Variants in BMPER observed in about 807,000 individuals in gnomAD.
BMPER encodes BMP binding endothelial regulator.
In BMPER, 45 loss-of-function variants were observed where a neutral mutation model predicts 87.3. That is an observed-to-expected ratio of 0.52 (90% CI 0.41 to 0.66). The LOEUF is 0.66. BMPER is among the 30% of genes least tolerant of loss of function. BMPER has a pLI of 0.00. For synonymous variants in BMPER, 326 were observed against 316.2 expected, an observed-to-expected ratio of 1.03 and a Z score of -0.33; for missense variants, 784 against 867.5, an observed-to-expected ratio of 0.90 and a Z score of 1.21.
intron 6 of BMPER, among the ~76,000 whole-genome samples, chr7:33,984,032 G>A (rs1024428337): frequency 6.6e-6 from 1 of 152,156 alleles, no homozygotes; most frequent in Non-Finnish European, 1.5e-5. Context: ...ACACATATCT[G>A]TTATCCTCAG....
intron 3 of BMPER, among the ~76,000 whole-genome samples, chr7:33,956,297 T>G (rs941078578): frequency 6.6e-6 from 1 of 152,010 alleles, no homozygotes; most frequent in African/African-American, 2.4e-5. Flanking sequence ...AAAAATCTAA[T>G]TAGAAATAGG....
At chr7:33,988,050 A>G (rs1284897404) in intron 6 of BMPER, among the ~76,000 whole-genome samples, 1 of 152,190 alleles carries the variant, frequency 6.6e-6, no homozygotes, top group Non-Finnish European at 1.5e-5. Flanking sequence ...GTTACTTTTT[A>G]ATTTCAAAAC....
intron 6 of BMPER, among the ~76,000 whole-genome samples, chr7:34,034,659 A>T (rs1787616121): frequency 6.6e-6 from 1 of 152,348 alleles, no homozygotes; most frequent in African/African-American, 2.4e-5. Context: ...CACCTAAATC[A>T]GTAGGGCCTA....
intron 6 of BMPER, among the ~76,000 whole-genome samples, chr7:34,017,803 T>A (rs1307010993): frequency 6.6e-6 from 1 of 151,824 alleles, no homozygotes; most frequent in East Asian, 1.9e-4. Flanking sequence ...GCTTTAGGAA[T>A]CACTTATCTA....
At chr7:34,040,160 T>G (rs1787797684) in intron 6 of BMPER, among the ~76,000 whole-genome samples, 1 of 152,146 alleles carries the variant, frequency 6.6e-6, no homozygotes, top group South Asian at 2.1e-4. Context: ...GAGATGAAGC[T>G]GGTTTTACTT....
intron 11 of BMPER, among the ~76,000 whole-genome samples, 157 bp downstream of exon 11, chr7:34,062,204 G>T (rs1216777334): frequency 6.6e-6 from 1 of 152,080 alleles, no homozygotes; most frequent in East Asian, 1.9e-4. Flanking sequence ...TAAGTCAATT[G>T]TAATTCTCCC....
In BMPER at chr7:34,011,605, G is replaced by GA. The variant is rs1282148601; in HGVS notation, c.577-34692dup. Reference sequence around the variant, plus strand: ...GGGCAAAAAAAAAAAAAAAAAAAAAGAAAAAAAAAGAAAGAAAAAAGAAAC... The same window carrying GA: ...GGGCAAAAAAAAAAAAAAAAAAAAAGAAAAAAAAAAGAAAGAAAAAAGAAAC... On this transcript the variant is annotated intron_variant, in intron 6 of 14. Transcript: ENST00000649409. Among the ~76,000 whole-genome samples, 55 of 93,062 alleles carry GA rather than the reference G, an allele frequency of 5.9e-4. No individual in the cohort carries two copies. In the South Asian group the frequency reaches 0.018, roughly 30 times the overall value. The allele number at this position is 93,062 out of a possible 152,430, so 61.1% of individuals were successfully genotyped here.
Position 33,959,641 on chromosome 7 carries a change from G to A in BMPER, c.320-6838G>A, listed in dbSNP as rs117755851. On this transcript the variant is annotated intron_variant, in intron 3 of 14. Transcript: ENST00000649409. ...TGGTGGGTGATGTATAAAAAGTTGC[G>A]GCAAGGATTTTTCTCCCTTAATGCA... is the stretch of plus-strand genomic sequence containing the variant. Among the ~76,000 whole-genome samples the A allele has an allele frequency of 3.9e-4, 60 of 152,120 alleles. No individual in the cohort carries two copies. The East Asian group carries it at 8.3e-3, about 21-fold the overall frequency.
intron 13 of BMPER, among the ~76,000 whole-genome samples, chr7:34,092,518 C>T (rs1419631603): frequency 1.3e-5 from 2 of 152,182 alleles, no homozygotes; most frequent in African/African-American, 4.8e-5. Flanking sequence ...TTTACCTTGG[C>T]GTCACTCAGC....
At chr7:33,943,911 C>A (rs942368562) in intron 3 of BMPER, among the ~76,000 whole-genome samples, 1 of 152,118 alleles carries the variant, frequency 6.6e-6, no homozygotes, top group Non-Finnish European at 1.5e-5. Flanking sequence ...GTATCAAGCT[C>A]CATTTAAAGA....
chr7:34,010,870 G>A (rs1786856879), intron 6 of BMPER, among the ~76,000 whole-genome samples: 1 of 151,782 alleles, frequency 6.6e-6, no homozygotes, highest in Admixed American at 6.6e-5. Flanking sequence ...TGTGCTTAGT[G>A]TTAATTGACA....
intron 9 of BMPER, among the ~76,000 whole-genome samples, 184 bp from the exon 10 acceptor site, chr7:34,057,875 G>A (rs1311658472): frequency 2.6e-5 from 4 of 151,748 alleles, no homozygotes; most frequent in African/African-American, 9.7e-5. Context: ...CACACAATCT[G>A]AAATCTTCAC....
intron 6 of BMPER, among the ~76,000 whole-genome samples, chr7:34,015,157 TG>T (rs1466163598): frequency 1.3e-5 from 2 of 152,010 alleles, no homozygotes; most frequent in African/African-American, 4.8e-5. Flanking sequence ...GTGAGTCGAC[TG>T]TTACACAGAA....
Position 34,103,639 on chromosome 7 carries a change from G to A in BMPER, c.1745+17547G>A, listed in dbSNP as rs181522826. 4.7e-4 allele frequency among the ~76,000 whole-genome samples: 71 copies of A among 152,242 alleles called. No individual in the cohort carries two copies. In the East Asian group the frequency reaches 0.012, roughly 27 times the overall value. ...AGGGGATTGCTATTGAATTTTGCCT[G>A]GGAAGAAGTCTTGGAAGCACATAGA... On this transcript the variant is annotated intron_variant, in intron 13 of 14. Transcript: ENST00000649409.
intron 2 of BMPER, among the ~76,000 whole-genome samples, chr7:33,927,241 ATCT>A (rs1562634774): frequency 6.6e-6 from 1 of 152,280 alleles, no homozygotes; most frequent in East Asian, 1.9e-4. Context: ...TCTGTGAAAA[ATCT>A]TCTGTTTCAT....
intron 14 of BMPER, 35 bp from the exon 15 acceptor site, chr7:34,153,057 T>C (rs530358703): frequency 1.2e-6 from 2 of 1,613,058 alleles, no homozygotes; most frequent in East Asian, 2.2e-5. Flanking sequence ...GGGGCCTTTC[T>C]CCATGTTATG....
chr7:34,104,964 G>A (rs972565034), intron 13 of BMPER, among the ~76,000 whole-genome samples: 5 of 152,136 alleles, frequency 3.3e-5, no homozygotes, highest in Non-Finnish European at 7.4e-5. Flanking sequence ...CCCCATACAT[G>A]TAGTTTTATT....
At chr7:34,096,674 G>A (rs921825062) in intron 13 of BMPER, among the ~76,000 whole-genome samples, 35 of 151,974 alleles carry the variant, frequency 2.3e-4, no homozygotes, top group African/African-American at 8.5e-4. Flanking sequence ...TTGTGTAGCC[G>A]AGACCAGATA....
chr7:34,003,877 A>G (rs1786655346), intron 6 of BMPER, among the ~76,000 whole-genome samples: 1 of 152,098 alleles, frequency 6.6e-6, no homozygotes, highest in African/African-American at 2.4e-5. Flanking sequence ...ATGTGTCCAC[A>G]TATGAATTTC....
Sources: gnomAD v4.1 joint callset for allele counts (sites outside exome capture counted in the v4.1 genomes callset) on GRCh38, gnomAD v4.1.1 for gene constraint, MANE v1.5 for transcripts, NCBI Gene and HGNC (gene_info 2026-07-23, HGNC 2026-07-21) for gene names.